Variants in DNM3 observed in about 807,000 individuals in gnomAD.
DNM3 encodes dynamin 3.
In DNM3, 47 loss-of-function variants were observed where a neutral mutation model predicts 101.6. That is an observed-to-expected ratio of 0.46 (90% CI 0.37 to 0.59). DNM3 has a LOEUF of 0.59. Ranked by LOEUF, DNM3 falls within the 20% of genes least tolerant of loss-of-function variation. The pLI, the probability that DNM3 is intolerant of heterozygous loss-of-function variation, is 0.00. For missense variants in DNM3, 849 were observed against 1,085.7 expected (o/e 0.78, Z 3.06); for synonymous variants, 385 against 387.9 (o/e 0.99, Z 0.09).
intron 6 of DNM3, among the ~76,000 whole-genome samples, chr1:172,033,649 A>G (rs957626753): frequency 6.6e-6 from 1 of 152,152 alleles, no homozygotes; most frequent in South Asian, 2.1e-4. Flanking sequence ...GCTAGGTTAC[A>G]CTTTCTGTTA....
chr1:172,132,786 A>G (rs746812747), intron 14 of DNM3: 22 of 660,238 alleles, frequency 3.3e-5, no homozygotes, highest in Non-Finnish European at 4.9e-5. Context: ...AACCATATTC[A>G]GCCTTAACTA....
chr1:171,960,826 G>A (rs979483689), intron 2 of DNM3, among the ~76,000 whole-genome samples: 7 of 152,144 alleles, frequency 4.6e-5, no homozygotes, highest in African/African-American at 1.7e-4. Context: ...AAGCAGGATG[G>A]GGTGAGGTGG....
At chr1:172,081,707 T>G (rs887030469) in intron 11 of DNM3, 125 bp from the exon 12 acceptor site, 3 of 721,792 alleles carry the variant, frequency 4.2e-6, no homozygotes, top group African/African-American at 3.6e-5. Flanking sequence ...AGGTTACTTT[T>G]CATGCTAATT....
chr1:172,417,978 G>A (rs1211284242), intron 20 of DNM3, among the ~76,000 whole-genome samples: 2 of 152,290 alleles, frequency 1.3e-5, no homozygotes, highest in East Asian at 3.9e-4. Context: ...CTGAATAAGA[G>A]TGCATGGATT....
chr1:172,014,036 G>A (rs2047290825), intron 4 of DNM3, among the ~76,000 whole-genome samples: 1 of 152,090 alleles, frequency 6.6e-6, no homozygotes, highest in African/African-American at 2.4e-5. Context: ...CCACACCAGA[G>A]TGGTATATTG....
intron 15 of DNM3, among the ~76,000 whole-genome samples, chr1:172,278,407 A>C (rs1374431010): frequency 1.3e-5 from 2 of 152,140 alleles, no homozygotes; most frequent in African/African-American, 4.8e-5. Flanking sequence ...TAAAACTAAC[A>C]ATAGCTGATG....
chr1:172,108,758 G>C (rs1255641429), intron 13 of DNM3, among the ~76,000 whole-genome samples: 1 of 152,170 alleles, frequency 6.6e-6, no homozygotes, highest in African/African-American at 2.4e-5. Flanking sequence ...TCAGTTCCTT[G>C]AAGCTTTGCA....
At chr1:171,846,569 G>A (rs2032133593) in intron 1 of DNM3, among the ~76,000 whole-genome samples, 1 of 152,108 alleles carries the variant, frequency 6.6e-6, no homozygotes, top group Admixed American at 6.6e-5. Context: ...GTTAAATTAT[G>A]AAGTTTTATT....
chr1:172,307,082 G>A (rs868750432), intron 15 of DNM3, among the ~76,000 whole-genome samples: 1 of 152,134 alleles, frequency 6.6e-6, no homozygotes, highest in Non-Finnish European at 1.5e-5. Flanking sequence ...CCATCAGAGT[G>A]AACAGGCAAC....
intron 15 of DNM3, among the ~76,000 whole-genome samples, chr1:172,280,424 C>T (rs1009508306): frequency 1.3e-5 from 2 of 152,162 alleles, no homozygotes; most frequent in Non-Finnish European, 2.9e-5. Context: ...GGGCCTAGAA[C>T]ACTGCCTAGC....
chr1:172,149,037 A>C (rs930713068), intron 14 of DNM3, among the ~76,000 whole-genome samples: 3 of 152,226 alleles, frequency 2.0e-5, no homozygotes, highest in Non-Finnish European at 4.4e-5. Context: ...AAGTTAAATC[A>C]GAAAGCTATA....
chr1:172,257,054 C>G (rs1325654208), intron 15 of DNM3, among the ~76,000 whole-genome samples: 1 of 151,916 alleles, frequency 6.6e-6, no homozygotes, highest in Non-Finnish European at 1.5e-5. Context: ...TTCACATATA[C>G]GTGAGAAGAA....
chr1:171,866,729 G>C (rs2034786655), intron 1 of DNM3, among the ~76,000 whole-genome samples: 1 of 151,736 alleles, frequency 6.6e-6, no homozygotes, highest in Non-Finnish European at 1.5e-5. Flanking sequence ...AATAGAATGT[G>C]TGTATGTTTT....
At chr1:172,061,451 A>T (rs1408737442) in intron 10 of DNM3, among the ~76,000 whole-genome samples, 1 of 150,940 alleles carries the variant, frequency 6.6e-6, no homozygotes, top group Non-Finnish European at 1.5e-5. Context: ...ACCAACCCAA[A>T]TGTCCAACAA....
In DNM3 at chr1:171,987,677, G is replaced by A. The variant is rs773516911; in HGVS notation, c.257G>A (p.Cys86Tyr). ...GTAGAATATGCCGAGTTTCTACATT[G>A]CAAAGGAAAGAAATTTACAGATTTT... is the stretch of plus-strand genomic sequence containing the variant. ...SKAEYAEFLH[C>Y]KGKKFTDFDE... The change falls in exon 3 of 21, where the codon TGC becomes TAC. Residue 86 changes from cysteine to tyrosine, a missense_variant. This residue lies in a region of DNM3 where 388 missense variants were observed against 483.0 expected (regional missense o/e 0.80). Coordinates refer to ENST00000627582, the MANE Select transcript of DNM3 (RefSeq NM_015569.5). The A allele has an allele frequency of 4.4e-6, 7 of 1,589,468 alleles. No individual in the cohort carries two copies. The highest frequency in any genetic ancestry group is 6.0e-6 in the Non-Finnish European group (7 of 1,170,228).
chr1:171,882,991 C>T lies in DNM3; in HGVS notation c.162-38757C>T, dbSNP rs561643131. Among the ~76,000 whole-genome samples, 25 of 150,854 alleles carry T rather than the reference C, an allele frequency of 1.7e-4. No individual in the cohort carries two copies. In the East Asian group the frequency reaches 2.4e-3, roughly 14 times the overall value. ...ATCCCATATTTTATACATATTAATA[C>T]GTATAAAATATGTATAGTGTATACA... On this transcript the variant is annotated intron_variant, in intron 1 of 20. Transcript: ENST00000627582.
chr1:172,014,607 GC>G (rs1206673972), intron 4 of DNM3, among the ~76,000 whole-genome samples: 1 of 152,104 alleles, frequency 6.6e-6, no homozygotes, highest in East Asian at 1.9e-4. Context: ...CTTTGGTAAG[GC>G]TGTTCAGGTA....
At chr1:172,010,517 A>G (rs2047038084) in intron 4 of DNM3, among the ~76,000 whole-genome samples, 1 of 150,198 alleles carries the variant, frequency 6.7e-6, no homozygotes, top group East Asian at 1.9e-4. Context: ...ATGTCTTCTA[A>G]TGTCCTCTTG....
At chr1:172,127,980 G>A (rs1375609942) in intron 13 of DNM3, among the ~76,000 whole-genome samples, 1 of 152,108 alleles carries the variant, frequency 6.6e-6, no homozygotes, top group Non-Finnish European at 1.5e-5. Context: ...TAAAGACACT[G>A]TGATGTCTGC....
Sources: gnomAD v4.1 joint callset for allele counts (sites outside exome capture counted in the v4.1 genomes callset) on GRCh38, gnomAD v4.1.1 for gene constraint, gnomAD v4.1.1 regional missense constraint, MANE v1.5 for transcripts, NCBI Gene and HGNC (gene_info 2026-07-23, HGNC 2026-07-21) for gene names.